PATJ: variants seen among roughly 807,000 people sequenced by gnomAD.
The protein encoded by PATJ is PATJ crumbs cell polarity complex component.
A neutral mutation model predicts 224.9 loss-of-function variants in PATJ; 190 were observed. The ratio of observed to expected loss-of-function variants is 0.84; its 90% CI spans 0.75 to 0.95. PATJ has a LOEUF of 0.95. Ranked by LOEUF, PATJ falls within the 40% of genes least tolerant of loss-of-function variation. The pLI is 0.00. For synonymous variants in PATJ, 769 were observed against 820.3 expected (o/e 0.94, Z 1.07); for missense variants, 2,121 against 2,270.3 (o/e 0.93, Z 1.34).
intron 33 of PATJ, among the ~76,000 whole-genome samples, chr1:62,095,310 A>C (rs1478543579): frequency 6.6e-6 from 1 of 152,190 alleles, no homozygotes. Context: ...TACTGAAATT[A>C]AGTAGTGCTT....
At position 61,833,757 on chromosome 1, in the gene PATJ, GTT is replaced by G; in HGVS notation, c.2086_2087del (p.Leu696GlyfsTer46). On this transcript the variant is annotated frameshift_variant, in exon 17 of 44. Coordinates refer to ENST00000642238, the MANE Select transcript of PATJ (RefSeq NM_001350145.3). LOFTEE classifies it high-confidence loss of function. ...GTTGAACTAGTAAAAGATTGTAAAGGTTTGGGATTCAGCATTTTGGATTACCA... is the reference window on the plus strand; with the variant it reads ...GTTGAACTAGTAAAAGATTGTAAAGGTGGGATTCAGCATTTTGGATTACCA... 1 of 1,613,558 alleles carries G rather than the reference GTT, an allele frequency of 6.2e-7. No homozygotes were observed. The highest frequency in any genetic ancestry group is 8.5e-7 in the Non-Finnish European group (1 of 1,179,660).
chr1:61,840,041 T>C (rs1026606368), intron 17 of PATJ, among the ~76,000 whole-genome samples: 1 of 152,056 alleles, frequency 6.6e-6, no homozygotes, highest in South Asian at 2.1e-4. Flanking sequence ...TTGACAGTTA[T>C]TAATTTTTCT....
chr1:61,890,765 G>C (rs946078411), intron 22 of PATJ, among the ~76,000 whole-genome samples: 14 of 152,002 alleles, frequency 9.2e-5, no homozygotes, highest in South Asian at 2.1e-4. Flanking sequence ...CAAAGTGCTG[G>C]GATTACAAGT....
At chr1:61,778,749 GGAGTGCA>G (rs1036466926) in intron 7 of PATJ, among the ~76,000 whole-genome samples, 65 of 152,210 alleles carry the variant, frequency 4.3e-4, no homozygotes, top group African/African-American at 1.5e-3. Flanking sequence ...TGCCCAGGCT[GGAGTGCA>G]GTGGTGCAGT....
intron 27 of PATJ, among the ~76,000 whole-genome samples, chr1:61,943,921 T>A (rs573223706): frequency 6.6e-6 from 1 of 152,166 alleles, no homozygotes; most frequent in Non-Finnish European, 1.5e-5. Context: ...ACATCTGCCG[T>A]TCTGCAGCCT....
chr1:61,773,121 A>G (rs1646712818), intron 6 of PATJ, among the ~76,000 whole-genome samples: 1 of 152,040 alleles, frequency 6.6e-6, no homozygotes, highest in South Asian at 2.1e-4. Flanking sequence ...CCTGGGTTCA[A>G]GTGATTCTCC....
At chr1:61,939,676 C>CT (rs71050183) in intron 27 of PATJ, among the ~76,000 whole-genome samples, 17,885 of 58,542 alleles carry the variant, frequency 0.31, 6,934 homozygotes, top group East Asian at 0.75. Context: ...TTTCTATGTG[C>CT]TTTTTTTTTT....
chr1:61,932,311 C>CT (rs1377995047), intron 27 of PATJ, among the ~76,000 whole-genome samples: 1 of 152,152 alleles, frequency 6.6e-6, no homozygotes, highest in Non-Finnish European at 1.5e-5. Flanking sequence ...ACCGAAACCA[C>CT]TGATCGAAAT....
chr1:62,163,660 A>G lies in PATJ; in HGVS notation c.*2606A>G, dbSNP rs1164094901. 6.6e-6 allele frequency: 1 copy of G among 152,542 alleles called. No homozygotes were observed. Among genetic ancestry groups the G allele is most frequent in the Non-Finnish European group, 1.5e-5 (1 of 68,046 alleles). The allele number at this position is 152,542 out of a possible 1,614,324, so 9.4% of individuals were successfully genotyped here. A position where few individuals can be genotyped will look rare whatever the true frequency, so the allele number is the denominator to read the frequency against. On this transcript the variant is annotated 3_prime_UTR_variant, in exon 44 of 44. Transcript: ENST00000642238. ...GGTTCTGTCTCCGCTCACATGACTA[A>G]TACGTAATTGCCTTTCCAAAAAGAT...
intron 27 of PATJ, among the ~76,000 whole-genome samples, chr1:61,955,187 G>A (rs1680273814): frequency 6.6e-6 from 1 of 152,100 alleles, no homozygotes; most frequent in Admixed American, 6.5e-5. Flanking sequence ...GCTTGGAGGG[G>A]TTTATCCATT....
Position 62,086,005 on chromosome 1 carries a change from G to A in PATJ, c.4377+1357G>A, listed in dbSNP as rs952427368. ...TATTTTTTTAAATAAATAGAGATGG[G>A]GTCTTGCTATGTTGCCCAAGCTGGT... On this transcript the variant is annotated intron_variant, in intron 33 of 43. Coordinates refer to ENST00000642238, the MANE Select transcript of PATJ (RefSeq NM_001350145.3). The surrounding 1 kb of genome is among the most constrained non-coding windows in gnomAD (Gnocchi z 4.0). Among the ~76,000 whole-genome samples the A allele has an allele frequency of 1.3e-5, 2 of 151,702 alleles. No individual in the cohort carries two copies. The highest frequency in any genetic ancestry group is 2.9e-5 in the Non-Finnish European group (2 of 67,948).
At chr1:61,972,809 C>T (rs1189047509) in intron 27 of PATJ, among the ~76,000 whole-genome samples, 2 of 151,960 alleles carry the variant, frequency 1.3e-5, no homozygotes, top group Non-Finnish European at 2.9e-5. Context: ...TTCAGGAGGT[C>T]AACAGGTACA....
intron 20 of PATJ, among the ~76,000 whole-genome samples, chr1:61,871,396 T>TATATAC: frequency 8.6e-6 from 1 of 116,152 alleles, no homozygotes; most frequent in Non-Finnish European, 1.7e-5. Flanking sequence ...TGTATATATA[T>TATATAC]ATATGTGTAT....
chr1:61,836,465 C>T (rs1270925913), intron 17 of PATJ, among the ~76,000 whole-genome samples: 1 of 152,172 alleles, frequency 6.6e-6, no homozygotes, highest in African/African-American at 2.4e-5. Flanking sequence ...AAGGGCTCAT[C>T]TTATTTACTT....
intron 21 of PATJ, among the ~76,000 whole-genome samples, chr1:61,880,541 G>C (rs1667949999): frequency 6.6e-6 from 1 of 152,106 alleles, no homozygotes; most frequent in Non-Finnish European, 1.5e-5. Flanking sequence ...ACATTTTCTA[G>C]GTTAAGCTCT....
chr1:61,787,709 G>T, intron 7 of PATJ, 45 bp from the exon 8 acceptor site: 1 of 1,438,884 alleles, frequency 6.9e-7, no homozygotes, highest in Non-Finnish European at 9.8e-7. Flanking sequence ...AACCAGTGAA[G>T]TTACAGCATT....
intron 42 of PATJ, among the ~76,000 whole-genome samples, chr1:62,149,347 G>A (rs927703099): frequency 1.3e-5 from 2 of 152,104 alleles, no homozygotes; most frequent in African/African-American, 4.8e-5. Flanking sequence ...GCAGTGCCTG[G>A]TCACTAGTAG....
In PATJ at chr1:61,990,329, G is replaced by A; in HGVS notation, c.3832G>A (p.Asp1278Asn). Residue 1278 changes from aspartate (D) to asparagine (N), a missense_variant, in exon 28 of 44, where the codon GAT (aspartate) becomes AAT (asparagine). Asp to Asn is a conservative substitution (Grantham distance 23). Coordinates refer to ENST00000642238, the MANE Select transcript of PATJ (RefSeq NM_001350145.3). ...TAACCCGGAAGGACCTGCTGCCGCAGATGGACGAATGCGTATTGGAGATGA... is the reference window on the plus strand; with the variant it reads ...TAACCCGGAAGGACCTGCTGCCGCAAATGGACGAATGCGTATTGGAGATGA... ...GINPEGPAAA[D>N]GRMRIGDELL... is the part of the protein sequence containing the mutation. 1 of 1,613,334 alleles carries A rather than the reference G, an allele frequency of 6.2e-7. No homozygotes were observed.
At position 62,128,100 on chromosome 1, in the gene PATJ, C is replaced by T. The variant is rs377232212; in HGVS notation, c.5166+6C>T. Reference sequence around the variant, plus strand: ...CACGGACACAGAAGCTTAAAGTAAACGAGAGAACTGGTTGAAAGACTAACA... The same window carrying T: ...CACGGACACAGAAGCTTAAAGTAAATGAGAGAACTGGTTGAAAGACTAACA... On this transcript the variant is annotated splice_donor_region_variant and intron_variant, in intron 40 of 43. Transcript: ENST00000642238. 3.1e-5 allele frequency: 50 copies of T among 1,613,902 alleles called. No individual in the cohort carries two copies. Among genetic ancestry groups the T allele is most frequent in the Middle Eastern group, 3.3e-4 (2 of 6,062 alleles).
Sources: allele counts gnomAD v4.1 joint callset (sites outside exome capture counted in the v4.1 genomes callset), GRCh38; gene constraint gnomAD v4.1.1; non-coding constraint Gnocchi (gnomAD v3.1); transcripts MANE v1.5; gene names NCBI Gene and HGNC (gene_info 2026-07-23, HGNC 2026-07-21).